The following SGK3 variants were observed in gnomAD, a reference collection of about 807,000 sequenced individuals.
SGK3 encodes serum/glucocorticoid regulated kinase family member 3, also known as serine/threonine-protein kinase Sgk3.
Under a neutral mutation model 68.5 loss-of-function variants are expected in SGK3, and 47 were observed. That is an observed-to-expected ratio of 0.69 (90% CI 0.54 to 0.87). The LOEUF (loss-of-function observed/expected upper bound fraction) is 0.87. Ranked by LOEUF, SGK3 falls within the 40% of genes least tolerant of loss-of-function variation. The pLI, the probability that SGK3 is intolerant of heterozygous loss-of-function variation, is 0.00. For missense variants in SGK3, 479 were observed against 575.5 expected, an observed-to-expected ratio of 0.83 and a Z score of 1.72; for synonymous variants, 181 against 189.1, an observed-to-expected ratio of 0.96 and a Z score of 0.35.
chr8:66,759,305 G>A (rs987235526), intron 1 of SGK3, among the ~76,000 whole-genome samples: 2 of 151,340 alleles, frequency 1.3e-5, no homozygotes, highest in Admixed American at 6.6e-5. Context: ...GGCTGGTCTC[G>A]AACTCCTGAC....
chr8:66,753,685 G>A (rs750280196), intron 1 of SGK3, among the ~76,000 whole-genome samples: 31 of 152,070 alleles, frequency 2.0e-4, no homozygotes, highest in Non-Finnish European at 3.4e-4. Context: ...TTAGCTGGGC[G>A]TGGTGGTGCC....
intron 10 of SGK3, 195 bp from the exon 11 acceptor site, chr8:66,839,808 G>A (rs1585797013): frequency 1.9e-6 from 1 of 533,264 alleles, no homozygotes; most frequent in East Asian, 3.2e-5. Flanking sequence ...CGTGGTTGAA[G>A]AGAGAGAATG....
intron 6 of SGK3, among the ~76,000 whole-genome samples, chr8:66,826,969 G>A (rs1244728489): frequency 6.6e-6 from 1 of 151,970 alleles, no homozygotes; most frequent in East Asian, 1.9e-4. Context: ...AACTTTTGAA[G>A]GATGAGATGA....
At chr8:66,806,295 T>G (rs1028109402) in intron 4 of SGK3, among the ~76,000 whole-genome samples, 18 of 152,212 alleles carry the variant, frequency 1.2e-4, no homozygotes, top group African/African-American at 4.3e-4. Context: ...ACTTATGTCT[T>G]TTTTTATTGG....
chr8:66,777,706 T>C (rs1806767089), intron 1 of SGK3, among the ~76,000 whole-genome samples: 1 of 152,180 alleles, frequency 6.6e-6, no homozygotes, highest in Admixed American at 6.5e-5. Flanking sequence ...TTCACATCCT[T>C]ACCTGCAGAA....
chr8:66,830,781 C>A (rs1809272077), intron 7 of SGK3, among the ~76,000 whole-genome samples: 1 of 152,124 alleles, frequency 6.6e-6, no homozygotes, highest in Non-Finnish European at 1.5e-5. Context: ...AGAAATTATT[C>A]TTAGCGTCTT....
At chr8:66,757,617 T>A (rs972010247) in intron 1 of SGK3, among the ~76,000 whole-genome samples, 13 of 151,482 alleles carry the variant, frequency 8.6e-5, no homozygotes, top group South Asian at 4.2e-4. Flanking sequence ...AAAAAAAAAA[T>A]TAAATAAAAA....
chr8:66,834,000 G>T (rs1809407150), intron 8 of SGK3, among the ~76,000 whole-genome samples: 1 of 152,200 alleles, frequency 6.6e-6, no homozygotes, highest in Admixed American at 6.5e-5. Context: ...CAGGTGTTTG[G>T]TTTTTTATGC....
intron 1 of SGK3, among the ~76,000 whole-genome samples, chr8:66,764,247 T>C (rs1434294641): frequency 6.6e-6 from 1 of 152,198 alleles, no homozygotes; most frequent in African/African-American, 2.4e-5. Context: ...ATTTTTTTTT[T>C]ACAGTTCTTT....
At chr8:66,750,997 A>T (rs1805797318) in intron 1 of SGK3, among the ~76,000 whole-genome samples, 1 of 150,264 alleles carries the variant, frequency 6.7e-6, no homozygotes, top group Non-Finnish European at 1.5e-5. Flanking sequence ...ATACAGTGAG[A>T]TCCTGTCTCA....
intron 14 of SGK3, among the ~76,000 whole-genome samples, chr8:66,845,636 C>T (rs1273338335): frequency 1.3e-5 from 2 of 152,050 alleles, no homozygotes; most frequent in African/African-American, 4.8e-5. Context: ...GATGCTTCTC[C>T]CACCTCAGCC....
chr8:66,762,472 G>A (rs1405927573), intron 1 of SGK3, among the ~76,000 whole-genome samples: 6 of 151,992 alleles, frequency 3.9e-5, no homozygotes, highest in Admixed American at 2.0e-4. Context: ...AGCCAAGATC[G>A]CGCCACTGCA....
rs143371164 is a variant in SGK3 at position 66,810,586 on chromosome 8, G to A, written c.254-3267G>A. Among the ~76,000 whole-genome samples the A allele has an allele frequency of 4.6e-3, 705 of 152,104 alleles. 6 individuals carry two copies. The highest frequency in any genetic ancestry group is 0.016 in the African/African-American group (670 of 41,506). ...CGTGGTGGCATACACCTGTAATCCC[G>A]GCTACTCTGGAGGCTGAGTCAGGAG... On this transcript the variant is annotated intron_variant, in intron 4 of 16. Coordinates refer to ENST00000521198, the MANE Select transcript of SGK3 (RefSeq NM_001033578.3).
intron 4 of SGK3, among the ~76,000 whole-genome samples, chr8:66,809,172 T>A (rs1248227725): frequency 1.3e-5 from 2 of 152,140 alleles, no homozygotes; most frequent in African/African-American, 4.8e-5. Flanking sequence ...TCATAATTTA[T>A]TTTTTTACCT....
chr8:66,739,117 TA>T (rs1457905876), intron 1 of SGK3, among the ~76,000 whole-genome samples: 1 of 152,202 alleles, frequency 6.6e-6, no homozygotes, highest in East Asian at 1.9e-4. Flanking sequence ...GGGTAATTTA[TA>T]AAGAAAAGAG....
chr8:66,768,231 TTTG>T (rs765294515), intron 1 of SGK3, among the ~76,000 whole-genome samples: 3 of 152,180 alleles, frequency 2.0e-5, no homozygotes, highest in Non-Finnish European at 4.4e-5. Flanking sequence ...ACTATTCTTG[TTTG>T]TTAACTTTTA....
chr8:66,736,553 G>A (rs775479630), intron 1 of SGK3, among the ~76,000 whole-genome samples: 2 of 151,698 alleles, frequency 1.3e-5, no homozygotes, highest in Non-Finnish European at 2.9e-5. Context: ...GAACTCCTGG[G>A]CTCAAGCAAT....
chr8:66,853,148 T>A (rs1810360177), intron 16 of SGK3, among the ~76,000 whole-genome samples: 1 of 152,244 alleles, frequency 6.6e-6, no homozygotes, highest in Non-Finnish European at 1.5e-5. Context: ...TACCTTTTTT[T>A]AATTCTTTTC....
rs960465981 is a variant in SGK3, at chr8:66,795,332, G to A, written c.96+1500G>A. On this transcript the variant is annotated intron_variant, in intron 2 of 16. Coordinates refer to ENST00000521198, the MANE Select transcript of SGK3 (RefSeq NM_001033578.3). ...AAATTGCAATGTGCGTCTGACCATTGACCCCTTCTCAGCCTCTATATTGCA... is the reference window on the plus strand; with the variant it reads ...AAATTGCAATGTGCGTCTGACCATTAACCCCTTCTCAGCCTCTATATTGCA... Among the ~76,000 whole-genome samples, 11 of 152,164 alleles carry A rather than the reference G, an allele frequency of 7.2e-5. 1 individual carries two copies. The highest frequency in any genetic ancestry group is 2.7e-4 in the African/African-American group (11 of 41,426).
Sources: allele counts gnomAD v4.1 joint callset (sites outside exome capture counted in the v4.1 genomes callset), GRCh38; gene constraint gnomAD v4.1.1; transcripts MANE v1.5; gene names NCBI Gene and HGNC (gene_info 2026-07-23, HGNC 2026-07-21).